Variants in PHF24 observed in about 807,000 individuals in gnomAD.
The protein encoded by PHF24 is PHD finger protein 24, also known as Galpha inhibitory interacting protein.
Under a neutral mutation model 42.6 loss-of-function variants are expected in PHF24, and 25 were observed. The ratio of observed to expected loss-of-function variants is 0.59; its 90% CI spans 0.43 to 0.82. The LOEUF is 0.82. PHF24 is among the 40% of genes least tolerant of loss of function. PHF24 has a pLI of 0.00. For synonymous variants in PHF24, 185 were observed against 204.8 expected, an observed-to-expected ratio of 0.90 and a Z score of 0.83; for missense variants, 470 against 538.1, an observed-to-expected ratio of 0.87 and a Z score of 1.25.
At chr9:34,713,206 TCTTC>T in the PHF24 span, among the ~76,000 whole-genome samples, 1 of 152,244 alleles carries the variant, frequency 6.6e-6, no homozygotes, top group Non-Finnish European at 1.5e-5. Flanking sequence ...CAAAGGGTTC[TCTTC>T]CTTCCCCGCA....
the PHF24 span, among the ~76,000 whole-genome samples, chr9:34,802,917 C>T: frequency 1.3e-5 from 2 of 152,150 alleles, no homozygotes; most frequent in African/African-American, 4.8e-5. Flanking sequence ...AGACTTCCTG[C>T]CATTAGACTT....
chr9:34,969,192 G>A (rs970659850), intron 1 of PHF24, among the ~76,000 whole-genome samples: 2 of 152,224 alleles, frequency 1.3e-5, no homozygotes, highest in African/African-American at 2.4e-5. Context: ...CCTGAAAGCT[G>A]AAGGAAGCAC....
At chr9:34,799,185 T>C in the PHF24 span, among the ~76,000 whole-genome samples, 1 of 152,046 alleles carries the variant, frequency 6.6e-6, no homozygotes, top group African/African-American at 2.4e-5. Context: ...GCAGATAGAA[T>C]CTGAAAAAGC....
the PHF24 span, among the ~76,000 whole-genome samples, chr9:34,860,671 T>TA: frequency 1.4e-5 from 2 of 148,026 alleles, no homozygotes; most frequent in African/African-American, 5.1e-5. Flanking sequence ...ATGACTCTTA[T>TA]AATGAGACCT....
chr9:34,826,601 G>A, the PHF24 span, among the ~76,000 whole-genome samples: 3 of 152,230 alleles, frequency 2.0e-5, no homozygotes, highest in African/African-American at 4.8e-5. Flanking sequence ...ACAACTCAGC[G>A]TTGAACACAA....
At chr9:34,686,285 G>A in the PHF24 span, among the ~76,000 whole-genome samples, 1 of 152,158 alleles carries the variant, frequency 6.6e-6, no homozygotes, top group African/African-American at 2.4e-5. Context: ...CTAGAAGGAG[G>A]GAGTGACATG....
chr9:34,774,102 A>G, the PHF24 span, among the ~76,000 whole-genome samples: 2 of 152,324 alleles, frequency 1.3e-5, no homozygotes, highest in South Asian at 2.1e-4. Flanking sequence ...TTAACTCAAA[A>G]TGAGTCAGAG....
At chr9:34,817,202 G>T in the PHF24 span, among the ~76,000 whole-genome samples, 1 of 151,916 alleles carries the variant, frequency 6.6e-6, no homozygotes, top group Non-Finnish European at 1.5e-5. Context: ...TAATGCAGAG[G>T]CTCTTTATAT....
chr9:34,752,710 A>C, the PHF24 span, among the ~76,000 whole-genome samples: 1 of 152,222 alleles, frequency 6.6e-6, no homozygotes, highest in South Asian at 2.1e-4. Flanking sequence ...CCCTGACACC[A>C]AAACCAGACA....
At position 34,958,504 on chromosome 9, in the gene PHF24, C is replaced by A. The variant is rs1826471669; in HGVS notation, c.-5+103C>A. The A allele has an allele frequency of 6.9e-6, 1 of 144,600 alleles. No homozygotes were observed. The highest frequency in any genetic ancestry group is 6.9e-5 in the Admixed American group (1 of 14,494). The allele number at this position is 144,600 out of a possible 1,614,324, so 9.0% of individuals were successfully genotyped here. On this transcript the variant is annotated intron_variant, in intron 1 of 7. Coordinates refer to ENST00000242315, the Ensembl canonical transcript of PHF24. The surrounding 1 kb of genome is among the most constrained non-coding windows in gnomAD (Gnocchi z 4.5). Reference sequence around the variant, plus strand: ...CTCTGAGGTGCTTGTGTGGGAGCCGCCTCCAAGGTGGCCCCCCTGTGTCAT... The same window carrying A: ...CTCTGAGGTGCTTGTGTGGGAGCCGACTCCAAGGTGGCCCCCCTGTGTCAT...
chr9:34,884,618 C>T, the PHF24 span, among the ~76,000 whole-genome samples: 2 of 152,082 alleles, frequency 1.3e-5, no homozygotes, highest in Admixed American at 6.5e-5. Flanking sequence ...AGACTTTTAC[C>T]CCAAGCCCCA....
chr9:34,854,553 G>T, the PHF24 span, among the ~76,000 whole-genome samples: 1 of 152,164 alleles, frequency 6.6e-6, no homozygotes, highest in East Asian at 1.9e-4. Context: ...TCATTCAGGA[G>T]CAGGTTGTCA....
the PHF24 span, among the ~76,000 whole-genome samples, chr9:34,682,212 T>C: frequency 6.8e-6 from 1 of 147,654 alleles, no homozygotes; most frequent in Admixed American, 6.8e-5. Context: ...ATTCCTGGGC[T>C]GAAATGATCC....
At chr9:34,778,982 ATG>A in the PHF24 span, among the ~76,000 whole-genome samples, 4 of 145,564 alleles carry the variant, frequency 2.7e-5, no homozygotes, top group African/African-American at 1.1e-4. Flanking sequence ...ATTCACAAAC[ATG>A]TAGATTAAAC....
chr9:34,942,460 T>C, the PHF24 span, among the ~76,000 whole-genome samples: 1 of 152,234 alleles, frequency 6.6e-6, no homozygotes. Context: ...TCCCACCCTC[T>C]AGAGCACATC....
At chr9:34,666,614 G>C in the PHF24 span, among the ~76,000 whole-genome samples, 1 of 136,794 alleles carries the variant, frequency 7.3e-6, no homozygotes, top group Non-Finnish European at 1.5e-5. Flanking sequence ...ATGACCACCT[G>C]TGTGTCAGGC....
chr9:34,974,137 G>A (rs1487415147), intron 3 of PHF24, among the ~76,000 whole-genome samples: 1 of 152,154 alleles, frequency 6.6e-6, no homozygotes, highest in Non-Finnish European at 1.5e-5. Flanking sequence ...CTCAGTAGCT[G>A]GGACTACAGG....
chr9:34,917,218 AGGTGTACATATCCCTGCCTCAG>A, the PHF24 span: 1 of 1,421,660 alleles, frequency 7.0e-7, no homozygotes, highest in Non-Finnish European at 9.9e-7. Flanking sequence ...GGCATCAAGC[AGGTGTACATATCCCTGCCTCAG>A]GGTGAGAAAG....
intron 1 of PHF24, among the ~76,000 whole-genome samples, chr9:34,960,448 T>A (rs1332577858): frequency 6.6e-6 from 1 of 152,124 alleles, no homozygotes; most frequent in East Asian, 1.9e-4. Context: ...CGACAAAGGT[T>A]TTTGTTGGTT....
Sources: gnomAD v4.1 joint callset for allele counts (sites outside exome capture counted in the v4.1 genomes callset) on GRCh38, gnomAD v4.1.1 for gene constraint, Gnocchi (gnomAD v3.1) non-coding constraint, MANE v1.5 for transcripts, NCBI Gene and HGNC (gene_info 2026-07-23, HGNC 2026-07-21) for gene names.